Variants in AMMECR1 observed in about 807,000 individuals in gnomAD.
The protein encoded by AMMECR1 is nuclear protein AMMECR1.
AMMECR1 carries 3 observed loss-of-function variants against 22.5 expected under a neutral mutation model. The observed-to-expected ratio is 0.13, with a 90% confidence interval of 0.06 to 0.35. The LOEUF (loss-of-function observed/expected upper bound fraction) is 0.35. AMMECR1 is among the 10% of genes least tolerant of loss of function. The probability of loss-of-function intolerance (pLI) is 1.00; values close to 1 mark genes in which losing one functional copy is unlikely to be tolerated. For missense variants in AMMECR1, 235 were observed against 278.7 expected (o/e 0.84, Z 1.12); for synonymous variants, 130 against 116.7 (o/e 1.11, Z -0.74).
At chrX:110,407,765 G>A (rs888630706) in intron 2 of AMMECR1, among the ~76,000 whole-genome samples, 1 of 112,479 alleles carries the variant, frequency 8.9e-6, no homozygotes, top group African/African-American at 3.2e-5. Flanking sequence ...AAGGCTGGTA[G>A]AAGAGGGCCC....
intron 2 of AMMECR1, among the ~76,000 whole-genome samples, chrX:110,356,107 T>C (rs2068228823): frequency 9.2e-6 from 1 of 108,917 alleles, no homozygotes; most frequent in South Asian, 4.0e-4. Context: ...AGGGAAGATG[T>C]TGATCAAATT....
At chrX:110,258,473 A>G (rs1170557679) in intron 2 of AMMECR1, among the ~76,000 whole-genome samples, 1 of 112,163 alleles carries the variant, frequency 8.9e-6, no homozygotes, top group African/African-American at 3.2e-5. Flanking sequence ...TGTACCTTAA[A>G]TTAAGTGCCT....
At chrX:110,284,070 G>A (rs753152769) in intron 1 of AMMECR1, among the ~76,000 whole-genome samples, 6 of 111,337 alleles carry the variant, frequency 5.4e-5, no homozygotes, top group Admixed American at 9.5e-5. Flanking sequence ...CGGTTGCGGT[G>A]AGCTGAGATC....
chrX:110,370,273 A>C (rs993394963), intron 2 of AMMECR1, among the ~76,000 whole-genome samples: 14 of 112,049 alleles, frequency 1.2e-4, no homozygotes, highest in South Asian at 7.6e-4. Flanking sequence ...CAATGGCACA[A>C]TATTGGTTCA....
chrX:110,268,553 A>G (rs752180844), intron 1 of AMMECR1, among the ~76,000 whole-genome samples: 10 of 112,331 alleles, frequency 8.9e-5, no homozygotes, highest in Admixed American at 5.6e-4. Context: ...AACATCCCTG[A>G]GCACAAGACA....
chrX:110,200,862 G>T (rs2067393739), intron 5 of AMMECR1, 92 bp downstream of exon 5: 7 of 587,191 alleles, frequency 1.2e-5, no homozygotes, highest in Admixed American at 1.1e-4. Flanking sequence ...GAAAAAAGAA[G>T]TGTAGTTAGA....
intron 2 of AMMECR1, among the ~76,000 whole-genome samples, chrX:110,338,059 G>A (rs952159060): frequency 5.4e-5 from 6 of 111,979 alleles, no homozygotes; most frequent in African/African-American, 1.9e-4. Context: ...GCCAGGGACT[G>A]AGGGAAGGCA....
At chrX:110,264,980 GCTAA>G (rs2067760324) in intron 1 of AMMECR1, among the ~76,000 whole-genome samples, 1 of 111,451 alleles carries the variant, frequency 9.0e-6, no homozygotes. Flanking sequence ...AACCATTATG[GCTAA>G]CTGTGTAATT....
Position 110,438,868 on chromosome X carries a change from T to C in AMMECR1, c.-294+1022A>G, listed in dbSNP as rs2068858706. Among the ~76,000 whole-genome samples the C allele has an allele frequency of 2.7e-5, 3 of 112,327 alleles. No individual in the cohort carries two copies. The South Asian group carries it at 1.1e-3, about 42-fold the overall frequency. On this transcript the variant is annotated intron_variant, in intron 1 of 7. Transcript: ENST00000372057. ...ACAATGTTCCTTCTATTGTGCTCTG[T>C]GGAAATAAAAGGGCAAAATATGCTT...
intron 2 of AMMECR1, among the ~76,000 whole-genome samples, chrX:110,365,807 G>A (rs1205472545): frequency 8.9e-6 from 1 of 111,914 alleles, no homozygotes; most frequent in Non-Finnish European, 1.9e-5. Flanking sequence ...CAAAGAGTGA[G>A]CGAGGTGATC....
At chrX:110,201,120 T>G (rs2067395020) in intron 4 of AMMECR1, 70 bp from the exon 5 acceptor site, 2 of 729,536 alleles carry the variant, frequency 2.7e-6, no homozygotes, top group Admixed American at 5.4e-5. Context: ...AAATACAAAA[T>G]GACTTTGTAG....
chrX:110,346,656 C>G (rs2068190485), intron 2 of AMMECR1: 2 of 575,017 alleles, frequency 3.5e-6, no homozygotes, highest in Non-Finnish European at 6.3e-6. Flanking sequence ...TGAATATTCA[C>G]TGGATCATAA....
chrX:110,212,905 C>G (rs2067454780), intron 3 of AMMECR1, among the ~76,000 whole-genome samples: 1 of 110,900 alleles, frequency 9.0e-6, no homozygotes, highest in Non-Finnish European at 1.9e-5. Flanking sequence ...TTTAAAAAGT[C>G]TTAGTATAAT....
intron 1 of AMMECR1, among the ~76,000 whole-genome samples, chrX:110,295,460 T>C (rs2067930666): frequency 9.0e-6 from 1 of 111,399 alleles, no homozygotes; most frequent in Non-Finnish European, 1.9e-5. Context: ...CAATAATCAA[T>C]TCTTAACTCA....
At chrX:110,292,153 AAAAT>A (rs1234557564) in intron 1 of AMMECR1, among the ~76,000 whole-genome samples, 5 of 112,353 alleles carry the variant, frequency 4.5e-5, no homozygotes, top group Admixed American at 2.8e-4. Context: ...TAATTATTTC[AAAAT>A]AAATAGTTTT....
chrX:110,223,776 C>A (rs1037178593), intron 2 of AMMECR1, among the ~76,000 whole-genome samples: 1 of 112,000 alleles, frequency 8.9e-6, no homozygotes, highest in African/African-American at 3.2e-5. Context: ...AATATAGCTC[C>A]TAAAATGCAA....
chrX:110,296,165 A>G (rs2067934809), intron 1 of AMMECR1, among the ~76,000 whole-genome samples: 1 of 112,066 alleles, frequency 8.9e-6, no homozygotes, highest in Non-Finnish European at 1.9e-5. Context: ...TTTATAAAAT[A>G]TAGTTTTGCT....
At chrX:110,279,400 A>G (rs1195455703) in intron 1 of AMMECR1, among the ~76,000 whole-genome samples, 1 of 112,532 alleles carries the variant, frequency 8.9e-6, no homozygotes, top group Non-Finnish European at 1.9e-5. Flanking sequence ...AATCCAGGAC[A>G]GTAAAATTGC....
At position 110,195,677 on chromosome X, in the gene AMMECR1, GAACA is replaced by G. The variant is rs1376665060; in HGVS notation, c.*2839_*2842del. 2.7e-5 allele frequency: 3 copies of G among 112,229 alleles called. No individual in the cohort carries two copies. Among genetic ancestry groups the G allele is most frequent in the Non-Finnish European group, 5.6e-5 (3 of 53,193 alleles). The allele number at this position is 112,229 out of a possible 1,213,427, so 9.2% of individuals were successfully genotyped here. ...GAGTGCAATTCACATTTGTGTTTCT[GAACA>G]AATAAATCACAACTGGCTAGAACAC... On this transcript the variant is annotated 3_prime_UTR_variant, in exon 6 of 6. Transcript: ENST00000262844.
Sources: gnomAD v4.1 joint callset for allele counts (sites outside exome capture counted in the v4.1 genomes callset) on GRCh38, gnomAD v4.1.1 for gene constraint, MANE v1.5 for transcripts, NCBI Gene and HGNC (gene_info 2026-07-23, HGNC 2026-07-21) for gene names.